KIF17: variants seen among roughly 807,000 people sequenced by gnomAD.
KIF17 encodes kinesin-like protein KIF17.
KIF17 carries 80 observed loss-of-function variants against 96.8 expected under a neutral mutation model. The observed-to-expected ratio is 0.83, with a 90% CI of 0.69 to 1.00. The LOEUF is 1.00. Among genes scored for constraint, KIF17 ranks in the 50% least tolerant of loss-of-function variants. The pLI, the probability that KIF17 is intolerant of heterozygous loss-of-function variation, is 0.00. For synonymous variants in KIF17, 567 were observed against 587.5 expected (o/e 0.97, Z 0.51); for missense variants, 1,280 against 1,372.9 (o/e 0.93, Z 1.07).
At chr1:20,676,761 G>A (rs113190967) in intron 11 of KIF17, among the ~76,000 whole-genome samples, 17,599 of 152,094 alleles carry the variant, frequency 0.12, 1,145 homozygotes, top group Middle Eastern at 0.19. Flanking sequence ...AACCTGGGGG[G>A]CGAAGGTTGC....
In KIF17 at chr1:20,696,852, C is replaced by T. The variant is rs192870492; in HGVS notation, c.1233+1527G>A. Among the ~76,000 whole-genome samples the T allele has an allele frequency of 4.4e-4, 67 of 152,310 alleles. 2 individuals carry two copies. The highest frequency in any genetic ancestry group is 4.1e-3 in the Admixed American group (63 of 15,310). The stretch of plus-strand genomic sequence containing the variant: ...GGCTTGTCTGAGCTCAGCCATCCCC[C>T]AGGGCCCCTCCTTGCTAAAGCCTCC... On this transcript the variant is annotated intron_variant, in intron 6 of 14. Coordinates refer to ENST00000400463, the MANE Select transcript of KIF17 (RefSeq NM_001122819.3).
intron 3 of KIF17, among the ~76,000 whole-genome samples, chr1:20,711,783 G>T (rs994922825): frequency 1.3e-5 from 2 of 152,176 alleles, no homozygotes; most frequent in African/African-American, 2.4e-5. Context: ...TTAAGCACGG[G>T]TTAAGAGTGT....
chr1:20,666,608 C>T (rs559620805), intron 13 of KIF17, among the ~76,000 whole-genome samples: 2 of 152,198 alleles, frequency 1.3e-5, no homozygotes, highest in Non-Finnish European at 2.9e-5. Flanking sequence ...TTATTCTGTC[C>T]TACAAAGCTC....
Position 20,682,106 on chromosome 1 carries a change from C to CCA in KIF17, c.2463+545_2463+546dup, listed in dbSNP as rs549827436. Among the ~76,000 whole-genome samples, 474 of 151,470 alleles carry CCA rather than the reference C, an allele frequency of 3.1e-3. 9 individuals carry two copies. The East Asian group carries it at 0.079, about 25-fold the overall frequency. On this transcript the variant is annotated intron_variant, in intron 11 of 14. Transcript: ENST00000400463. The stretch of plus-strand genomic sequence containing the variant: ...TGTTATTTCTTACACACACGCACAC[C>CCA]CACACACACACACAACACATACCCG...
chr1:20,688,557 G>A (rs1320524339), intron 7 of KIF17, among the ~76,000 whole-genome samples: 1 of 152,200 alleles, frequency 6.6e-6, no homozygotes, highest in Non-Finnish European at 1.5e-5. Flanking sequence ...GGGCTCTTAA[G>A]TCACACCCAG....
chr1:20,680,623 G>A (rs771094955), intron 11 of KIF17, among the ~76,000 whole-genome samples: 1 of 151,950 alleles, frequency 6.6e-6, no homozygotes, highest in Non-Finnish European at 1.5e-5. Flanking sequence ...TGAATAAAAC[G>A]TTCTTAAACA....
At position 20,717,423 on chromosome 1, in the gene KIF17, CG is replaced by C. The variant is rs1202066608; in HGVS notation, c.231+52del. On this transcript the variant is annotated intron_variant, in intron 1 of 14. Transcript: ENST00000400463. ...GGCAGCGCAGCCCCCTGGGGACTCT[CG>C]GGGCGGCCTCATGCCCTGCCGCCTG... 4.2e-5 allele frequency: 67 copies of C among 1,599,554 alleles called. No homozygotes were observed. The East Asian group carries it at 6.9e-4, about 17-fold the overall frequency.
Position 20,687,102 on chromosome 1 carries a change from T to C in KIF17, c.1938+286A>G, listed in dbSNP as rs574174621. On this transcript the variant is annotated intron_variant, in intron 8 of 14. Transcript: ENST00000400463. The surrounding 1 kb of genome is among the most constrained non-coding windows in gnomAD (Gnocchi z 4.4). ...CAACTGGGCAAACGCCCTGTACAGC[T>C]GTCCCTCCATCTGCAGAACGGGAGC... 6.6e-6 allele frequency among the ~76,000 whole-genome samples: 1 copy of C among 152,284 alleles called. No homozygotes were observed. The highest frequency in any genetic ancestry group is 1.9e-4 in the East Asian group (1 of 5,164).
At chr1:20,682,576 G>C in intron 11 of KIF17, 77 bp downstream of exon 11, 1 of 1,224,132 alleles carries the variant, frequency 8.2e-7, no homozygotes, top group South Asian at 1.2e-5. Flanking sequence ...CTTCCTACAA[G>C]GTGTAGGGAT....
At position 20,674,365 on chromosome 1, in the gene KIF17, T is replaced by G. The variant is rs958859537; in HGVS notation, c.2464-2169A>C. ...AGCCTCGACCTCCCAGTCCTCCCTC[T>G]CTTCCAGTCCTCAGCCTCCTGAGTA... On this transcript the variant is annotated intron_variant, in intron 11 of 14. Transcript: ENST00000400463. Among the ~76,000 whole-genome samples, 5 of 152,234 alleles carry G rather than the reference T, an allele frequency of 3.3e-5. No homozygotes were observed. The South Asian group carries it at 1.0e-3, about 32-fold the overall frequency.
chr1:20,703,165 A>ATG (rs777239568), intron 5 of KIF17, among the ~76,000 whole-genome samples: 1,104 of 86,784 alleles, frequency 0.013, 10 homozygotes, highest in Non-Finnish European at 0.021. Flanking sequence ...GGAAGGATGG[A>ATG]GATGGATGGA....
rs1325370328 is a variant in KIF17 at position 20,717,770 on chromosome 1, C to T, written c.-64G>A. On this transcript the variant is annotated 5_prime_UTR_variant, in exon 1 of 15. Transcript: ENST00000400463. The stretch of plus-strand genomic sequence containing the variant: ...CCGCCCCGCCGGGGACTCCCAGCAG[C>T]CCGGGCCAAGGGGCGGGGCCAGCGC... The T allele has an allele frequency of 2.6e-5, 38 of 1,470,288 alleles. No individual in the cohort carries two copies. Among genetic ancestry groups the T allele is most frequent in the Non-Finnish European group, 3.3e-5 (37 of 1,119,106 alleles). The allele number at this position is 1,470,288 out of a possible 1,614,324, so 91.1% of individuals were successfully genotyped here.
In KIF17 at chr1:20,704,957, C is replaced by A. The variant is rs2054317522; in HGVS notation, c.671-58G>T. On this transcript the variant is annotated intron_variant, in intron 4 of 14. Transcript: ENST00000400463. This position sits in a 1 kb window ranked among gnomAD's most constrained non-coding sequence, Gnocchi z 6.8. ...TCGGGTGAGCCCTATGTATCGAGGG[C>A]AATCAGTGCCAGGCACTGGGTGCTC... The A allele has an allele frequency of 6.7e-7, 1 of 1,488,716 alleles. No individual in the cohort carries two copies. Among genetic ancestry groups the A allele is most frequent in the African/African-American group, 1.4e-5 (1 of 72,676 alleles). The allele number at this position is 1,488,716 out of a possible 1,614,324, so 92.2% of individuals were successfully genotyped here. A position where few individuals can be genotyped will look rare whatever the true frequency, so the allele number is the denominator to read the frequency against.
At chr1:20,714,910 G>C (rs2054550555) in intron 2 of KIF17, among the ~76,000 whole-genome samples, 2 of 152,082 alleles carry the variant, frequency 1.3e-5, no homozygotes, top group South Asian at 4.1e-4. Flanking sequence ...TGGCCACCAT[G>C]ATGAGTCCTG....
Position 20,690,352 on chromosome 1 carries a change from G to GGGGCCCA in KIF17, c.1234-18_1234-17insTGGGCCC. On this transcript the variant is annotated splice_polypyrimidine_tract_variant and intron_variant, in intron 6 of 14. Coordinates refer to ENST00000400463, the MANE Select transcript of KIF17 (RefSeq NM_001122819.3). ...TTCATACTCCTGGGGGGGTGGGAGG[G>GGGGCCCA]ACCAGAGGGCAGGCAGCATTTTATC... is the stretch of plus-strand genomic sequence containing the variant. 1.6e-5 allele frequency: 7 copies of GGGGCCCA among 451,096 alleles called. No homozygotes were observed. Among genetic ancestry groups the GGGGCCCA allele is most frequent in the Non-Finnish European group, 2.1e-5 (5 of 235,086 alleles). 27.9% of individuals were successfully genotyped at this position (451,096 alleles called of 1,614,324 possible). A position where few individuals can be genotyped will look rare whatever the true frequency, so the allele number is the denominator to read the frequency against.
intron 3 of KIF17, among the ~76,000 whole-genome samples, chr1:20,711,983 C>T (rs140265513): frequency 3.9e-4 from 60 of 152,248 alleles, no homozygotes; most frequent in African/African-American, 1.3e-3. Flanking sequence ...CACGAGGGAG[C>T]GTGTCTAAAG....
chr1:20,684,332 G>A (rs774008813), intron 10 of KIF17, among the ~76,000 whole-genome samples: 3 of 152,246 alleles, frequency 2.0e-5, no homozygotes, highest in Non-Finnish European at 2.9e-5. Context: ...GGATGACCAC[G>A]ACATGGAGGT....
chr1:20,667,813 G>A (rs1341087015), intron 13 of KIF17, among the ~76,000 whole-genome samples: 2 of 152,088 alleles, frequency 1.3e-5, no homozygotes, highest in Non-Finnish European at 2.9e-5. Context: ...TTCAAGACCA[G>A]CCTGACCAAC....
chr1:20,690,352 G>GCCCGCC lies in KIF17; in HGVS notation c.1234-18_1234-17insGGCGGG. On this transcript the variant is annotated splice_polypyrimidine_tract_variant and intron_variant, in intron 6 of 14. Coordinates refer to ENST00000400463, the MANE Select transcript of KIF17 (RefSeq NM_001122819.3). ...TTCATACTCCTGGGGGGGTGGGAGG[G>GCCCGCC]ACCAGAGGGCAGGCAGCATTTTATC... is the stretch of plus-strand genomic sequence containing the variant. 2 of 451,158 alleles carry GCCCGCC rather than the reference G, an allele frequency of 4.4e-6. No individual in the cohort carries two copies. The highest frequency in any genetic ancestry group is 8.5e-6 in the Non-Finnish European group (2 of 235,144). The allele number at this position is 451,158 out of a possible 1,614,324, so 27.9% of individuals were successfully genotyped here. A position where few individuals can be genotyped will look rare whatever the true frequency, so the allele number is the denominator to read the frequency against.
Sources: gnomAD v4.1 joint callset for allele counts (sites outside exome capture counted in the v4.1 genomes callset) on GRCh38, gnomAD v4.1.1 for gene constraint, Gnocchi (gnomAD v3.1) non-coding constraint, MANE v1.5 for transcripts, NCBI Gene and HGNC (gene_info 2026-07-23, HGNC 2026-07-21) for gene names.